MMP17: variants seen among roughly 807,000 people sequenced by gnomAD.
MMP17 encodes matrix metalloproteinase-17.
MMP17 carries 54 observed loss-of-function variants against 49.1 expected under a neutral mutation model. That is an observed-to-expected ratio of 1.10 (90% CI 0.88 to 1.38). MMP17 has a LOEUF of 1.38. Ranked by LOEUF, MMP17 falls within the 40% of genes most tolerant of loss-of-function variation. The pLI, the probability that MMP17 is intolerant of heterozygous loss-of-function variation, is 0.00. For synonymous variants in MMP17, 397 were observed against 383.1 expected (o/e 1.04, Z -0.42); for missense variants, 837 against 853.7 (o/e 0.98, Z 0.24).
chr12:131,834,601 C>A (rs1886984987), intron 1 of MMP17, among the ~76,000 whole-genome samples: 1 of 152,068 alleles, frequency 6.6e-6, no homozygotes, highest in Non-Finnish European at 1.5e-5. Context: ...ATCCCCCTAC[C>A]CACTGTGGGT....
chr12:131,838,789 G>GC (rs1887226128), intron 3 of MMP17, 48 bp downstream of exon 3: 1 of 1,519,428 alleles, frequency 6.6e-7, no homozygotes, highest in African/African-American at 1.4e-5. Context: ...GGAGGTGGGC[G>GC]CGTGGCCAGG....
rs1887208196 is a variant in MMP17, at chr12:131,838,609, C to T, written c.293-3C>T. Reference sequence around the variant, plus strand: ...GGCTCTGAGCTCCATGCTTTCCCTGCAGACGAGGCCACCCTGGCCCTGATG... The same window carrying T: ...GGCTCTGAGCTCCATGCTTTCCCTGTAGACGAGGCCACCCTGGCCCTGATG... On this transcript the variant is annotated splice_region_variant and splice_polypyrimidine_tract_variant and intron_variant, in intron 2 of 9. Transcript: ENST00000360564. The T allele has an allele frequency of 6.2e-7, 1 of 1,608,930 alleles. No individual in the cohort carries two copies. The highest frequency in any genetic ancestry group is 2.2e-5 in the East Asian group (1 of 44,830).
chr12:131,836,655 A>G (rs1354011508), intron 1 of MMP17, among the ~76,000 whole-genome samples: 3 of 144,146 alleles, frequency 2.1e-5, no homozygotes, highest in Non-Finnish European at 4.5e-5. Context: ...GCGATTCACA[A>G]GCATTTTCTA....
At chr12:131,843,201 C>T (rs1024245538) in intron 5 of MMP17, among the ~76,000 whole-genome samples, 2 of 151,434 alleles carry the variant, frequency 1.3e-5, no homozygotes, top group Non-Finnish European at 1.5e-5. Context: ...CTTCTGACCT[C>T]GTGATCCACC....
intron 6 of MMP17, chr12:131,844,516 G>A (rs1422553815): frequency 2.0e-5 from 5 of 255,662 alleles, no homozygotes; most frequent in African/African-American, 4.6e-5. Context: ...GCTGCTCCAC[G>A]AGGCATGACC....
intron 3 of MMP17, 37 bp from the exon 4 acceptor site, chr12:131,840,536 T>G (rs1469054236): frequency 9.1e-6 from 14 of 1,537,788 alleles, no homozygotes; most frequent in Non-Finnish European, 1.2e-5. Context: ...CGTGGCCTGT[T>G]CTCCGTGACT....
At chr12:131,848,145 G>T (rs532725452) in intron 8 of MMP17, among the ~76,000 whole-genome samples, 1 of 152,242 alleles carries the variant, frequency 6.6e-6, no homozygotes, top group African/African-American at 2.4e-5. Context: ...CAGTGCAGTG[G>T]TGTGATCTCA....
chr12:131,829,086 A>G (rs1250128790), intron 1 of MMP17, among the ~76,000 whole-genome samples: 1 of 152,130 alleles, frequency 6.6e-6, no homozygotes, highest in Non-Finnish European at 1.5e-5. Context: ...CAAAGCGAGG[A>G]AGGGCAGGGG....
intron 5 of MMP17, 100 bp downstream of exon 5, chr12:131,841,900 C>T (rs923188714): frequency 3.8e-6 from 5 of 1,312,334 alleles, no homozygotes; most frequent in African/African-American, 2.9e-5. Context: ...TTGCTCTCCC[C>T]GCTGTTCCCT....
In MMP17 at chr12:131,850,037, C is replaced by G; in HGVS notation, c.1440C>G (p.Asp480Glu). 6.2e-7 allele frequency: 1 copy of G among 1,612,460 alleles called. No individual in the cohort carries two copies. The highest frequency in any genetic ancestry group is 8.5e-7 in the Non-Finnish European group (1 of 1,179,586). Residue 480 changes from aspartate to glutamate, a missense_variant, in exon 9 of 10, where the codon GAC becomes GAG. By Grantham distance (45) the Asp-to-Glu change is conservative (BLOSUM62 2). Transcript: ENST00000360564. ...GGAGGGGTGTCCCCAGCACGCTGGA[C>G]GACGCCATGCGCTGGTCCGACGGTG... ...PLWRGVPSTL[D>E]DAMRWSDGAS...
At position 131,851,445 on chromosome 12, in the gene MMP17, T is replaced by A. The variant is rs1039873287; in HGVS notation, c.*171T>A. On this transcript the variant is annotated 3_prime_UTR_variant, in exon 10 of 10. Coordinates refer to ENST00000360564, the MANE Select transcript of MMP17 (RefSeq NM_016155.7). ...TCCGCCAGGGCTGGGCAGGCTCAGG[T>A]GGCAAGGACGGAGCTGTCCCCTAGT... 1.5e-5 allele frequency: 8 copies of A among 521,266 alleles called. No homozygotes were observed. The East Asian group carries it at 2.8e-4, about 18-fold the overall frequency. 32.3% of individuals were successfully genotyped at this position (521,266 alleles called of 1,614,324 possible).
chr12:131,846,001 A>G lies in MMP17; in HGVS notation c.1204+552A>G, dbSNP rs1433336899. ...GGTCGGCCCCGGTGCCCACCGTTCC[A>G]GGAACCACCTCGTGGCAGTGTTACA... On this transcript the variant is annotated intron_variant, in intron 8 of 9. Transcript: ENST00000360564. This position sits in a 1 kb window ranked among gnomAD's most constrained non-coding sequence, Gnocchi z 4.6. 2.0e-5 allele frequency among the ~76,000 whole-genome samples: 3 copies of G among 152,112 alleles called. No individual in the cohort carries two copies. The highest frequency in any genetic ancestry group is 4.4e-5 in the Non-Finnish European group (3 of 67,998).
intron 1 of MMP17, among the ~76,000 whole-genome samples, chr12:131,837,247 C>T (rs1388859994): frequency 3.3e-5 from 5 of 152,320 alleles, no homozygotes; most frequent in East Asian, 1.9e-4. Flanking sequence ...AGGCACACAG[C>T]GGGGAGGTGG....
intron 4 of MMP17, 83 bp downstream of exon 4, chr12:131,840,939 C>T: frequency 7.0e-7 from 1 of 1,434,434 alleles, no homozygotes; most frequent in Non-Finnish European, 9.2e-7. Context: ...CCCCCCATCC[C>T]CAACCCTGCG....
At chr12:131,831,599 C>T (rs1262570830) in intron 1 of MMP17, among the ~76,000 whole-genome samples, 4 of 151,634 alleles carry the variant, frequency 2.6e-5, no homozygotes, top group South Asian at 2.1e-4. Flanking sequence ...GGCCTGATTT[C>T]GCCATGAGAG....
Position 131,840,723 on chromosome 12 carries a change from G to A in MMP17, c.573G>A (p.Lys191=). The change falls in exon 4 of 10, where the codon AAG becomes AAA. Residue 191 remains lysine (K), a synonymous_variant. Transcript: ENST00000360564. ...SAADIQIDFS[K]ADHNDGYPFD... ...CCGACATCCAGATCGACTTCTCCAA[G>A]GCCGACCATAACGACGGCTACCCCT... 1 of 1,604,890 alleles carries A rather than the reference G, an allele frequency of 6.2e-7. No homozygotes were observed. The highest frequency in any genetic ancestry group is 1.1e-5 in the South Asian group (1 of 91,092).
chr12:131,829,279 G>T (rs1231068862), intron 1 of MMP17, among the ~76,000 whole-genome samples: 2 of 148,860 alleles, frequency 1.3e-5, no homozygotes, highest in Non-Finnish European at 3.0e-5. Context: ...TGCTGAGCCG[G>T]GGGCGCGGGG....
At chr12:131,831,246 T>C (rs1886778803) in intron 1 of MMP17, among the ~76,000 whole-genome samples, 1 of 152,220 alleles carries the variant, frequency 6.6e-6, no homozygotes. Context: ...GACAAGCTGC[T>C]CTAAAGTTTC....
In MMP17 at chr12:131,828,639, C is replaced by G. The variant is rs1269685558; in HGVS notation, c.145C>G (p.Leu49Val). 2 of 672,182 alleles carry G rather than the reference C, an allele frequency of 3.0e-6. No individual in the cohort carries two copies. The highest frequency in any genetic ancestry group is 3.8e-6 in the Non-Finnish European group (2 of 522,654). The allele number at this position is 672,182 out of a possible 1,614,324, so 41.6% of individuals were successfully genotyped here. A position where few individuals can be genotyped will look rare whatever the true frequency, so the allele number is the denominator to read the frequency against. ...CGCACCCGCGCCGCGCGCCGAGGAC[C>G]TCAGCCTGGGAGTGGTGAGCGCGCG... ...APAPAPRAED[L>V]SLGVEWLSRF... is the part of the protein sequence containing the mutation. The change falls in exon 1 of 10, where the codon CTC becomes GTC. Residue 49 changes from leucine to valine, a missense_variant. Transcript: ENST00000360564.
Sources: allele counts gnomAD v4.1 joint callset (sites outside exome capture counted in the v4.1 genomes callset), GRCh38; gene constraint gnomAD v4.1.1; non-coding constraint Gnocchi (gnomAD v3.1); transcripts MANE v1.5; gene names NCBI Gene and HGNC (gene_info 2026-07-23, HGNC 2026-07-21).